The following DLG2 variants were observed in gnomAD, a reference collection of about 807,000 sequenced individuals.
The protein encoded by DLG2 is disks large homolog 2.
In DLG2, 45 loss-of-function variants were observed where a neutral mutation model predicts 132.5. The observed-to-expected ratio is 0.34, with a 90% CI of 0.27 to 0.44. The LOEUF is 0.44. Ranked by LOEUF, DLG2 falls within the 20% of genes least tolerant of loss-of-function variation. The probability of loss-of-function intolerance (pLI) is 1.00; values close to 1 mark genes in which losing one functional copy is unlikely to be tolerated. For synonymous variants in DLG2, 424 were observed against 419.6 expected, an observed-to-expected ratio of 1.01 and a Z score of -0.13; for missense variants, 1,045 against 1,196.9, an observed-to-expected ratio of 0.87 and a Z score of 1.87.
At chr11:83,969,252 C>T (rs1163243780) in intron 12 of DLG2, among the ~76,000 whole-genome samples, 1 of 152,144 alleles carries the variant, frequency 6.6e-6, no homozygotes, top group African/African-American at 2.4e-5. Flanking sequence ...TATGTTGATT[C>T]ATTAAAAGCT....
chr11:84,369,405 A>C (rs2098697296), intron 7 of DLG2, among the ~76,000 whole-genome samples: 1 of 152,182 alleles, frequency 6.6e-6, no homozygotes, highest in South Asian at 2.1e-4. Flanking sequence ...CTCATGCATT[A>C]AAATACTTAA....
At position 85,367,956 on chromosome 11, in the gene DLG2, G is replaced by A. The variant is rs145118648; in HGVS notation, c.41-82591C>T. ...GTATTTTTAAACTATATTCATAAATGAGATTAATCTGTATTTTCTTTTAGT... is the reference window on the plus strand; with the variant it reads ...GTATTTTTAAACTATATTCATAAATAAGATTAATCTGTATTTTCTTTTAGT... On this transcript the variant is annotated intron_variant, in intron 3 of 27. Transcript: ENST00000376104. 8.5e-3 allele frequency among the ~76,000 whole-genome samples: 1,297 copies of A among 152,124 alleles called. 18 individuals are homozygous for A. The highest frequency in any genetic ancestry group is 0.029 in the African/African-American group (1,223 of 41,508).
chr11:84,098,614 C>CCGTA (rs2092082123), intron 10 of DLG2, among the ~76,000 whole-genome samples: 1 of 152,062 alleles, frequency 6.6e-6, no homozygotes. Flanking sequence ...TATTATTTGC[C>CCGTA]CGTTAGTTCA....
chr11:85,323,032 G>A (rs1369421396), intron 3 of DLG2, among the ~76,000 whole-genome samples: 1 of 152,178 alleles, frequency 6.6e-6, no homozygotes, highest in Non-Finnish European at 1.5e-5. Flanking sequence ...ATAAAATAAA[G>A]TAAAACAATT....
intron 3 of DLG2, among the ~76,000 whole-genome samples, chr11:85,311,358 C>G (rs2080301958): frequency 6.6e-6 from 1 of 152,074 alleles, no homozygotes; most frequent in Admixed American, 6.6e-5. Flanking sequence ...TTCTTTGAGG[C>G]CAATGCTGTT....
At chr11:83,627,500 G>T (rs967368725) in intron 19 of DLG2, among the ~76,000 whole-genome samples, 4 of 152,102 alleles carry the variant, frequency 2.6e-5, no homozygotes, top group South Asian at 2.1e-4. Context: ...TGCTCAGAAC[G>T]ATGGTTTCCA....
intron 15 of DLG2, among the ~76,000 whole-genome samples, 164 bp downstream of exon 15, chr11:83,930,164 A>T (rs2079873360): frequency 6.6e-6 from 1 of 152,188 alleles, no homozygotes; most frequent in East Asian, 1.9e-4. Flanking sequence ...CAAAAAGGCA[A>T]TGTTCTTAAT....
At chr11:84,240,427 C>A (rs1054707583) in intron 8 of DLG2, among the ~76,000 whole-genome samples, 3 of 152,332 alleles carry the variant, frequency 2.0e-5, no homozygotes, top group East Asian at 3.9e-4. Flanking sequence ...TTTATTGTCT[C>A]TCCTTACAGC....
At chr11:83,614,533 A>G (rs796811213) in intron 19 of DLG2, among the ~76,000 whole-genome samples, 11 of 152,248 alleles carry the variant, frequency 7.2e-5, no homozygotes, top group African/African-American at 2.4e-4. Context: ...AGCCTGGGCA[A>G]CATGGCCAAA....
At chr11:84,507,111 A>G (rs934631020) in intron 7 of DLG2, among the ~76,000 whole-genome samples, 1 of 152,224 alleles carries the variant, frequency 6.6e-6, no homozygotes, top group South Asian at 2.1e-4. Context: ...ATTAGTTGGC[A>G]TCAAGTTTCT....
At chr11:85,499,795 T>A (rs879205989) in intron 3 of DLG2, among the ~76,000 whole-genome samples, 1 of 152,014 alleles carries the variant, frequency 6.6e-6, no homozygotes, top group Non-Finnish European at 1.5e-5. Context: ...GTTCAACATA[T>A]GCAAATCAAT....
At chr11:85,592,968 A>AAAAAG (rs1295639787) in intron 3 of DLG2, among the ~76,000 whole-genome samples, 1 of 151,694 alleles carries the variant, frequency 6.6e-6, no homozygotes, top group South Asian at 2.1e-4. Flanking sequence ...GAAAAGAAAA[A>AAAAAG]AAAAGAAAAG....
intron 8 of DLG2, among the ~76,000 whole-genome samples, chr11:84,204,699 TTTTAA>T (rs1319052847): frequency 6.6e-6 from 1 of 152,120 alleles, no homozygotes; most frequent in African/African-American, 2.4e-5. Flanking sequence ...TTGATATACT[TTTTAA>T]TTTATTTTAT....
At chr11:83,675,406 C>T (rs2077513401) in intron 18 of DLG2, among the ~76,000 whole-genome samples, 1 of 152,130 alleles carries the variant, frequency 6.6e-6, no homozygotes, top group African/African-American at 2.4e-5. Context: ...GTATCACAAA[C>T]ATCATGATAT....
At chr11:83,769,169 T>C (rs929311653) in intron 18 of DLG2, among the ~76,000 whole-genome samples, 1 of 152,212 alleles carries the variant, frequency 6.6e-6, no homozygotes, top group Non-Finnish European at 1.5e-5. Flanking sequence ...AAGTGGACTT[T>C]CATGATGGTG....
At chr11:84,321,302 A>T (rs898687995) in intron 7 of DLG2, among the ~76,000 whole-genome samples, 1 of 152,182 alleles carries the variant, frequency 6.6e-6, no homozygotes, top group Non-Finnish European at 1.5e-5. Context: ...GGTCTCTCGC[A>T]TACACCCTTG....
chr11:83,863,046 T>C (rs942266063), intron 16 of DLG2, among the ~76,000 whole-genome samples: 3 of 152,276 alleles, frequency 2.0e-5, no homozygotes, highest in South Asian at 2.1e-4. Context: ...TGATCTGTTA[T>C]ATAGGCAATC....
At chr11:83,475,563 G>A (rs564205171) in intron 22 of DLG2, among the ~76,000 whole-genome samples, 1 of 151,870 alleles carries the variant, frequency 6.6e-6, no homozygotes, top group East Asian at 1.9e-4. Context: ...AATTCTCTGT[G>A]GGGCAGGGTG....
chr11:85,437,322 AC>A (rs2091541977), intron 3 of DLG2, among the ~76,000 whole-genome samples: 3 of 151,816 alleles, frequency 2.0e-5, no homozygotes, highest in African/African-American at 4.8e-5. Flanking sequence ...AAAAAAAAAA[AC>A]AAAAAAAAAG....
Sources: allele counts gnomAD v4.1 joint callset (sites outside exome capture counted in the v4.1 genomes callset), GRCh38; gene constraint gnomAD v4.1.1; transcripts MANE v1.5; gene names NCBI Gene and HGNC (gene_info 2026-07-23, HGNC 2026-07-21).